SNX27: variants seen among roughly 807,000 people sequenced by gnomAD.
SNX27 encodes sorting nexin-27.
In SNX27, 22 loss-of-function variants were observed where a neutral mutation model predicts 71.6. The ratio of observed to expected loss-of-function variants is 0.31; its 90% CI spans 0.22 to 0.44. The LOEUF is 0.44. Among genes scored for constraint, SNX27 ranks in the 20% least tolerant of loss-of-function variants. The probability of loss-of-function intolerance (pLI) is 1.00; values close to 1 mark genes in which losing one functional copy is unlikely to be tolerated. For missense variants in SNX27, 531 were observed against 698.6 expected (o/e 0.76, Z 2.70); for synonymous variants, 269 against 277.2 (o/e 0.97, Z 0.29).
At chr1:151,689,205 C>A (rs761960800) in intron 8 of SNX27, among the ~76,000 whole-genome samples, 11 of 152,158 alleles carry the variant, frequency 7.2e-5, no homozygotes, top group Non-Finnish European at 1.6e-4. Flanking sequence ...AGGTATTATT[C>A]TTACTTTACA....
chr1:151,674,304 A>G (rs1013507539), intron 7 of SNX27, among the ~76,000 whole-genome samples: 1 of 152,336 alleles, frequency 6.6e-6, no homozygotes, highest in Admixed American at 6.5e-5. Context: ...GCATAAACAA[A>G]CAAGCAAGCA....
At position 151,692,406 on chromosome 1, in the gene SNX27, C is replaced by CTTTTT. The variant is rs61159507; in HGVS notation, c.1240-7_1240-3dup. ...TAACCCTGTTTCCTGTTTCTCCTTC[C>CTTTTT]TTTTTTTTTTTTTTTTTTTTTTTTT... On this transcript the variant is annotated intron_variant, in intron 8 of 11. Transcript: ENST00000458013. The CTTTTT allele has an allele frequency of 7.3e-4, 622 of 854,574 alleles. 33 individuals are homozygous for CTTTTT. The highest frequency in any genetic ancestry group is 1.4e-3 in the South Asian group (75 of 53,302). 52.9% of individuals were successfully genotyped at this position (854,574 alleles called of 1,614,324 possible). A position where few individuals can be genotyped will look rare whatever the true frequency, so the allele number is the denominator to read the frequency against.
At chr1:151,649,533 T>C (rs1180138230) in intron 2 of SNX27, among the ~76,000 whole-genome samples, 3 of 152,162 alleles carry the variant, frequency 2.0e-5, no homozygotes, top group African/African-American at 7.2e-5. Context: ...CAGTGAGCTG[T>C]GGTCATACCA....
At chr1:151,632,347 G>A (rs1164605954) in intron 1 of SNX27, among the ~76,000 whole-genome samples, 3 of 151,978 alleles carry the variant, frequency 2.0e-5, no homozygotes, top group Non-Finnish European at 2.9e-5. Flanking sequence ...TAGTAGAGAC[G>A]GGGTTTCACC....
At chr1:151,625,244 C>T (rs756687344) in intron 1 of SNX27, among the ~76,000 whole-genome samples, 8 of 152,158 alleles carry the variant, frequency 5.3e-5, no homozygotes, top group African/African-American at 9.6e-5. Context: ...CTGTGGCTGA[C>T]GCCTGTAATC....
intron 8 of SNX27, among the ~76,000 whole-genome samples, chr1:151,688,835 A>G (rs1176190050): frequency 6.6e-6 from 1 of 152,022 alleles, no homozygotes; most frequent in South Asian, 2.1e-4. Context: ...CCTCTCCTGT[A>G]AAGTTTTAAA....
At chr1:151,671,705 A>G (rs989851076) in intron 7 of SNX27, among the ~76,000 whole-genome samples, 1 of 152,046 alleles carries the variant, frequency 6.6e-6, no homozygotes, top group African/African-American at 2.4e-5. Flanking sequence ...CATTTTAACA[A>G]TATTTATTCT....
intron 1 of SNX27, chr1:151,613,298 T>G (rs1444059242): frequency 5.2e-5 from 8 of 152,772 alleles, no homozygotes; most frequent in African/African-American, 1.9e-4. Flanking sequence ...GAATCTAGCG[T>G]CTCCATCAGC....
intron 2 of SNX27, among the ~76,000 whole-genome samples, chr1:151,655,286 G>A (rs960831520): frequency 2.6e-5 from 4 of 152,076 alleles, no homozygotes; most frequent in South Asian, 2.1e-4. Flanking sequence ...GCAGATTTAG[G>A]GAGGTCTCTT....
At chr1:151,670,341 G>C (rs2102698783) in intron 7 of SNX27, among the ~76,000 whole-genome samples, 1 of 152,300 alleles carries the variant, frequency 6.6e-6, no homozygotes, top group Middle Eastern at 3.4e-3. Context: ...GTTGTGAACT[G>C]TGCTGCAGCA....
At chr1:151,681,217 T>C (rs1172426882) in intron 7 of SNX27, among the ~76,000 whole-genome samples, 1 of 149,996 alleles carries the variant, frequency 6.7e-6, no homozygotes, top group Non-Finnish European at 1.5e-5. Context: ...GAACTAGAAG[T>C]TGAATTAGTC....
chr1:151,641,518 G>A (rs1228642092), intron 2 of SNX27, among the ~76,000 whole-genome samples: 1 of 147,116 alleles, frequency 6.8e-6, no homozygotes, highest in Non-Finnish European at 1.5e-5. Flanking sequence ...TAACTCTTTT[G>A]CCCGTTTAAA....
chr1:151,696,252 A>C lies in SNX27; in HGVS notation c.*1835A>C, dbSNP rs1015272240. ...TGTAGATAATGCATAAGAAGCACCA[A>C]GTCAGGCTCAGATGCAACTAAAACA... is the stretch of plus-strand genomic sequence containing the variant. On this transcript the variant is annotated 3_prime_UTR_variant, in exon 12 of 12. Transcript: ENST00000458013. The C allele has an allele frequency of 1.3e-5, 2 of 152,216 alleles. No homozygotes were observed. The highest frequency in any genetic ancestry group is 6.5e-5 in the Admixed American group (1 of 15,284). The allele number at this position is 152,216 out of a possible 1,614,324, so 9.4% of individuals were successfully genotyped here. A position where few individuals can be genotyped will look rare whatever the true frequency, so the allele number is the denominator to read the frequency against.
intron 7 of SNX27, chr1:151,676,362 G>C (rs1387148931): frequency 1.7e-5 from 2 of 117,752 alleles, no homozygotes; most frequent in African/African-American, 6.6e-5. Flanking sequence ...CTGGAGTGCA[G>C]TGGCACAATC....
At chr1:151,686,321 C>T (rs1206547427) in intron 8 of SNX27, among the ~76,000 whole-genome samples, 1 of 152,238 alleles carries the variant, frequency 6.6e-6, no homozygotes. Flanking sequence ...CATAGGTTTG[C>T]ATTGTGCTGT....
intron 10 of SNX27, 27 bp downstream of exon 10, chr1:151,693,066 G>T (rs1209298754): frequency 1.9e-6 from 3 of 1,601,704 alleles, no homozygotes; most frequent in Non-Finnish European, 2.6e-6. Context: ...GAAAGTAACT[G>T]GGACTTAGTT....
chr1:151,624,147 G>T (rs762420431), intron 1 of SNX27, among the ~76,000 whole-genome samples: 6 of 151,618 alleles, frequency 4.0e-5, no homozygotes, highest in Non-Finnish European at 8.8e-5. Context: ...AAATTTTTTT[G>T]TAAAGTTAGG....
At chr1:151,636,497 G>A (rs1225005229) in intron 1 of SNX27, among the ~76,000 whole-genome samples, 3 of 151,806 alleles carry the variant, frequency 2.0e-5, no homozygotes, top group African/African-American at 7.3e-5. Context: ...TAGAGACGGG[G>A]TTTCACCATG....
intron 2 of SNX27, among the ~76,000 whole-genome samples, chr1:151,656,537 G>A (rs1219258210): frequency 5.3e-5 from 8 of 152,112 alleles, no homozygotes; most frequent in Admixed American, 1.3e-4. Context: ...GAATAAATTG[G>A]TACAACCACT....
Sources: allele counts gnomAD v4.1 joint callset (sites outside exome capture counted in the v4.1 genomes callset), GRCh38; gene constraint gnomAD v4.1.1; transcripts MANE v1.5; gene names NCBI Gene and HGNC (gene_info 2026-07-23, HGNC 2026-07-21).